UBAP1: variants seen among roughly 807,000 people sequenced by gnomAD.
UBAP1 encodes ubiquitin-associated protein 1.
UBAP1 carries 5 observed loss-of-function variants against 39.0 expected under a neutral mutation model. The observed-to-expected ratio is 0.13, with a 90% CI of 0.07 to 0.27. The LOEUF (loss-of-function observed/expected upper bound fraction) is 0.27. UBAP1 is among the 10% of genes least tolerant of loss of function. The pLI, the probability that UBAP1 is intolerant of heterozygous loss-of-function variation, is 1.00. For synonymous variants in UBAP1, 211 were observed against 225.1 expected (o/e 0.94, Z 0.56); for missense variants, 490 against 608.1 (o/e 0.81, Z 2.04).
chr9:34,233,290 C>G (rs1199175800), intron 2 of UBAP1, among the ~76,000 whole-genome samples: 2 of 148,824 alleles, frequency 1.3e-5, no homozygotes, highest in African/African-American at 4.9e-5. Context: ...GGCGCGATCT[C>G]GGCTGACTGC....
At chr9:34,198,474 C>CTATG (rs1456544283) in intron 1 of UBAP1, among the ~76,000 whole-genome samples, 1 of 152,130 alleles carries the variant, frequency 6.6e-6, no homozygotes, top group Non-Finnish European at 1.5e-5. Context: ...AGGCCATAGG[C>CTATG]TATGCTCAGC....
At chr9:34,181,111 G>GTTTTTTT (rs1563879456) in intron 1 of UBAP1, among the ~76,000 whole-genome samples, 7 of 35,290 alleles carry the variant, frequency 2.0e-4, no homozygotes, top group South Asian at 1.3e-3. Flanking sequence ...CACCCGGCCT[G>GTTTTTTT]TTTTCTTTTT....
rs146620671 is a variant in UBAP1 at position 34,249,947 on chromosome 9, G to A, written c.1252G>A (p.Glu418Lys). 186 of 1,614,018 alleles carry A rather than the reference G, an allele frequency of 1.2e-4. No individual in the cohort carries two copies. Among genetic ancestry groups the A allele is most frequent in the Non-Finnish European group, 1.4e-4 (165 of 1,180,042 alleles). ...CVLRAMKKKG[E>K]NIEQILDYLF... ...CCTCAGAGCCATGAAGAAGAAAGGA[G>A]AGAATATTGAGCAGGTGAGCGGTTG... Residue 418 changes from glutamate (E) to lysine (K), a missense_variant, in exon 5 of 7, where the codon GAG becomes AAG. By Grantham distance (56) the Glu-to-Lys change is moderately conservative. Transcript: ENST00000297661.
intron 1 of UBAP1, among the ~76,000 whole-genome samples, chr9:34,204,399 A>AT (rs1387570507): frequency 6.6e-6 from 1 of 152,146 alleles, no homozygotes; most frequent in African/African-American, 2.4e-5. Flanking sequence ...AAGGGTGTGG[A>AT]TTGTATATAC....
At chr9:34,185,847 A>G (rs1011678082) in intron 1 of UBAP1, among the ~76,000 whole-genome samples, 3 of 152,186 alleles carry the variant, frequency 2.0e-5, no homozygotes, top group African/African-American at 7.2e-5. Context: ...CTCTGTCTCA[A>G]AAAAAGAAAA....
rs1281704392 is a variant in UBAP1, at chr9:34,252,145, C to T, written c.*613C>T. ...CAGTCACCATGCTTCCCTACCCCAGCCTGTTTCTTTTGGCTTGGTTTGGAC... is the reference window on the plus strand; with the variant it reads ...CAGTCACCATGCTTCCCTACCCCAGTCTGTTTCTTTTGGCTTGGTTTGGAC... On this transcript the variant is annotated 3_prime_UTR_variant, in exon 7 of 7. Transcript: ENST00000297661. 2 of 152,724 alleles carry T rather than the reference C, an allele frequency of 1.3e-5. No homozygotes were observed. The highest frequency in any genetic ancestry group is 2.9e-5 in the Non-Finnish European group (2 of 68,108). 9.5% of individuals were successfully genotyped at this position (152,724 alleles called of 1,614,324 possible).
At chr9:34,216,856 A>G (rs934131703) in intron 1 of UBAP1, among the ~76,000 whole-genome samples, 2 of 151,814 alleles carry the variant, frequency 1.3e-5, no homozygotes, top group Admixed American at 6.6e-5. Context: ...CATATTACCC[A>G]GGGTGGTCTC....
intron 4 of UBAP1, among the ~76,000 whole-genome samples, chr9:34,248,897 G>T (rs1337097603): frequency 6.6e-6 from 1 of 152,222 alleles, no homozygotes; most frequent in Non-Finnish European, 1.5e-5. Context: ...GCTGTAAAAG[G>T]GCTTGTGACC....
chr9:34,234,718 T>C (rs1483882663), intron 3 of UBAP1, among the ~76,000 whole-genome samples: 5 of 152,200 alleles, frequency 3.3e-5, no homozygotes, highest in African/African-American at 9.6e-5. Flanking sequence ...CTCAAGTGTT[T>C]GTGGTGATGC....
chr9:34,212,038 TA>T, intron 1 of UBAP1: 2 of 425,312 alleles, frequency 4.7e-6, no homozygotes, highest in Admixed American at 2.6e-5. Context: ...TACCACCAGC[TA>T]AAAAAGAAAA....
At chr9:34,195,933 T>TG (rs1831020313) in intron 1 of UBAP1, among the ~76,000 whole-genome samples, 1 of 47,810 alleles carries the variant, frequency 2.1e-5, no homozygotes, top group Non-Finnish European at 5.0e-5. Context: ...TTTGGTTTTT[T>TG]TTTTTTTTTT....
At position 34,220,242 on chromosome 9, in the gene UBAP1, C is replaced by T. The variant is rs1163669681; in HGVS notation, c.-7-666C>T. On this transcript the variant is annotated intron_variant, in intron 1 of 6. Transcript: ENST00000297661. ...TTCTTAACTCACTGCAGCCTCAAAT[C>T]CTGAGCTTAAGTGATCATCTCACAT... Among the ~76,000 whole-genome samples the T allele has an allele frequency of 2.2e-5, 3 of 137,586 alleles. No homozygotes were observed. In the East Asian group the frequency reaches 6.4e-4, roughly 29 times the overall value. The allele number at this position is 137,586 out of a possible 152,430, so 90.3% of individuals were successfully genotyped here.
intron 1 of UBAP1, among the ~76,000 whole-genome samples, chr9:34,194,034 T>TA (rs1033833910): frequency 6.6e-5 from 10 of 152,280 alleles, no homozygotes; most frequent in Admixed American, 4.6e-4. Flanking sequence ...CAGAAGACTG[T>TA]AACTAGGGCT....
intron 2 of UBAP1, among the ~76,000 whole-genome samples, chr9:34,229,833 G>A (rs1833314845): frequency 6.6e-6 from 1 of 151,788 alleles, no homozygotes; most frequent in African/African-American, 2.4e-5. Flanking sequence ...CACCATGCTT[G>A]GCCCCTAATT....
At chr9:34,194,480 AATTTTTTGTATTTTT>A (rs1278743332) in intron 1 of UBAP1, among the ~76,000 whole-genome samples, 4 of 151,920 alleles carry the variant, frequency 2.6e-5, no homozygotes, top group Non-Finnish European at 5.9e-5. Flanking sequence ...ATGCCCGGCT[AATTTTTTGTATTTTT>A]AGTAGAGATG....
intron 2 of UBAP1, among the ~76,000 whole-genome samples, chr9:34,226,117 G>GTGTGTGTGTGTGTGTGTT (rs1833051720): frequency 9.5e-5 from 9 of 94,328 alleles, no homozygotes; most frequent in African/African-American, 2.2e-4. Context: ...GTGTGTGTGT[G>GTGTGTGTGTGTGTGTGTT]TGTGTGTGTG....
chr9:34,229,216 G>A (rs908911010), intron 2 of UBAP1, among the ~76,000 whole-genome samples: 19 of 151,578 alleles, frequency 1.3e-4, no homozygotes, highest in African/African-American at 4.4e-4. Context: ...AGTTTGCTAC[G>A]TGAAAGGTAG....
At chr9:34,240,961 A>G (rs1194106934) in intron 3 of UBAP1, among the ~76,000 whole-genome samples, 3 of 152,214 alleles carry the variant, frequency 2.0e-5, no homozygotes, top group Non-Finnish European at 4.4e-5. Context: ...GAGGGTCTGT[A>G]GCCAGGTTGC....
intron 1 of UBAP1, among the ~76,000 whole-genome samples, chr9:34,218,167 G>A (rs1388055765): frequency 6.9e-6 from 1 of 145,696 alleles, no homozygotes; most frequent in East Asian, 2.0e-4. Context: ...CAGGAGAATG[G>A]CTTGAACCCG....
Sources: gnomAD v4.1 joint callset for allele counts (sites outside exome capture counted in the v4.1 genomes callset) on GRCh38, gnomAD v4.1.1 for gene constraint, MANE v1.5 for transcripts, NCBI Gene and HGNC (gene_info 2026-07-23, HGNC 2026-07-21) for gene names.